CEP85L: variants seen among roughly 807,000 people sequenced by gnomAD.
The protein encoded by CEP85L is centrosomal protein of 85 kDa-like.
CEP85L carries 60 observed loss-of-function variants against 100.3 expected under a neutral mutation model. The ratio of observed to expected loss-of-function variants is 0.60; its 90% confidence interval spans 0.49 to 0.74. CEP85L has a LOEUF of 0.74. Ranked by LOEUF, CEP85L falls within the 30% of genes least tolerant of loss-of-function variation. CEP85L has a pLI of 0.00. For synonymous variants in CEP85L, 319 were observed against 322.7 expected, an observed-to-expected ratio of 0.99 and a Z score of 0.12; for missense variants, 973 against 936.2, an observed-to-expected ratio of 1.04 and a Z score of -0.51.
intron 5 of CEP85L, among the ~76,000 whole-genome samples, chr6:118,496,834 G>A (rs1774960920): frequency 6.6e-6 from 1 of 152,198 alleles, no homozygotes; most frequent in Non-Finnish European, 1.5e-5. Context: ...TCAATCTGTT[G>A]TCACTTCAAG....
intron 1 of CEP85L, among the ~76,000 whole-genome samples, chr6:118,674,286 G>A (rs1410757790): frequency 3.9e-5 from 6 of 152,236 alleles, no homozygotes; most frequent in Admixed American, 3.9e-4. Context: ...AGCACTTTGG[G>A]AGGCCAAGGC....
chr6:118,613,835 T>G (rs1772829677), intron 2 of CEP85L, among the ~76,000 whole-genome samples: 1 of 150,956 alleles, frequency 6.6e-6, no homozygotes, highest in African/African-American at 2.4e-5. Flanking sequence ...ATCAGCACCA[T>G]TCTATACAAT....
At chr6:118,665,900 T>A (rs1776117942) in intron 1 of CEP85L, among the ~76,000 whole-genome samples, 1 of 152,212 alleles carries the variant, frequency 6.6e-6, no homozygotes, top group South Asian at 2.1e-4. Context: ...ATGTCTCCTT[T>A]ACATCCCCCT....
chr6:118,541,174 G>A (rs1038591990), intron 3 of CEP85L, among the ~76,000 whole-genome samples: 1 of 152,202 alleles, frequency 6.6e-6, no homozygotes, highest in African/African-American at 2.4e-5. Flanking sequence ...CCTTACAAAT[G>A]ACTTTGCCAA....
intron 2 of CEP85L, among the ~76,000 whole-genome samples, chr6:118,600,502 A>T: frequency 6.6e-6 from 1 of 151,712 alleles, no homozygotes; most frequent in African/African-American, 2.4e-5. Flanking sequence ...TTGTATTTTC[A>T]GTAGAGACGG....
In CEP85L at chr6:118,651,488, G is replaced by A. The variant is rs1775558280; in HGVS notation, c.-219C>T. ...CTGCCATGGCCAAGCCGGCTGGGCT[G>A]AGGCCCGCGCCGGGGAAGCGGCGAC... On this transcript the variant is annotated 5_prime_UTR_variant, in exon 1 of 13. Coordinates refer to ENST00000368491, the MANE Select transcript of CEP85L (RefSeq NM_001042475.3). The A allele has an allele frequency of 7.8e-7, 1 of 1,287,226 alleles. No individual in the cohort carries two copies. Among genetic ancestry groups the A allele is most frequent in the East Asian group, 3.2e-5 (1 of 31,286 alleles). 79.7% of individuals were successfully genotyped at this position (1,287,226 alleles called of 1,614,324 possible).
chr6:118,501,889 G>C (rs1288569564), intron 5 of CEP85L: 3 of 1,212,008 alleles, frequency 2.5e-6, no homozygotes. Context: ...AAAATAAAAA[G>C]AAAGACAAAG....
chr6:118,600,371 A>G (rs746146147), intron 2 of CEP85L, among the ~76,000 whole-genome samples: 30 of 45,310 alleles, frequency 6.6e-4, no homozygotes, highest in African/African-American at 2.5e-3. Flanking sequence ...GTGTGTGTGT[A>G]ACGCCATGGA....
At chr6:118,662,164 T>C (rs1337966134) in intron 1 of CEP85L, among the ~76,000 whole-genome samples, 6 of 152,222 alleles carry the variant, frequency 3.9e-5, no homozygotes, top group Non-Finnish European at 8.8e-5. Flanking sequence ...TATTATTGCA[T>C]GCTAAGTGAG....
At chr6:118,706,143 A>G (rs778711805) in intron 1 of CEP85L, among the ~76,000 whole-genome samples, 4 of 152,238 alleles carry the variant, frequency 2.6e-5, no homozygotes, top group Non-Finnish European at 4.4e-5. Flanking sequence ...TGAATACTCA[A>G]TAAGTTGCCT....
intron 12 of CEP85L, among the ~76,000 whole-genome samples, chr6:118,466,481 T>C (rs1335900679): frequency 2.0e-5 from 3 of 152,144 alleles, no homozygotes; most frequent in East Asian, 1.9e-4. Context: ...CCTACCACTA[T>C]ATACAAGTTG....
intron 1 of CEP85L, 76 bp downstream of exon 1, chr6:118,651,121 G>T: frequency 1.4e-6 from 2 of 1,433,212 alleles, no homozygotes; most frequent in South Asian, 1.4e-5. Context: ...GGCGGGAGGG[G>T]AGCGGCGGCG....
chr6:118,639,034 G>A (rs138898775), intron 1 of CEP85L, among the ~76,000 whole-genome samples: 98 of 152,210 alleles, frequency 6.4e-4, no homozygotes, highest in African/African-American at 2.2e-3. Context: ...TAAATAAGCT[G>A]AATACATAAT....
chr6:118,652,032 T>A, upstream of CEP85L: 1 of 472,988 alleles, frequency 2.1e-6, no homozygotes, highest in Non-Finnish European at 2.8e-6. Flanking sequence ...TCCTCATCTG[T>A]ATTCCTTCGT....
intron 2 of CEP85L, among the ~76,000 whole-genome samples, chr6:118,606,345 AT>A (rs1772220906): frequency 6.6e-6 from 1 of 152,240 alleles, no homozygotes; most frequent in Admixed American, 6.5e-5. Context: ...AATAGACAAG[AT>A]CACACAGATA....
chr6:118,492,749 C>G (rs1774656905), intron 5 of CEP85L, among the ~76,000 whole-genome samples: 1 of 152,100 alleles, frequency 6.6e-6, no homozygotes, highest in South Asian at 2.1e-4. Flanking sequence ...TTAATAAAAT[C>G]AGATCCCACC....
chr6:118,636,743 G>A (rs1373944363), intron 1 of CEP85L, among the ~76,000 whole-genome samples: 1 of 152,130 alleles, frequency 6.6e-6, no homozygotes, highest in African/African-American at 2.4e-5. Context: ...TAGTACACTG[G>A]CTTTTTCCTA....
chr6:118,570,828 A>G (rs1583073993), intron 2 of CEP85L, among the ~76,000 whole-genome samples: 2 of 152,162 alleles, frequency 1.3e-5, no homozygotes, highest in Non-Finnish European at 1.5e-5. Context: ...TCTGAGTTCT[A>G]GTGTAAAATC....
At chr6:118,640,430 TGCC>T (rs1318098201) in intron 1 of CEP85L, among the ~76,000 whole-genome samples, 2 of 152,192 alleles carry the variant, frequency 1.3e-5, no homozygotes, top group African/African-American at 4.8e-5. Context: ...AACCTCTCTG[TGCC>T]TCAATTTCTT....
Sources: allele counts gnomAD v4.1 joint callset (sites outside exome capture counted in the v4.1 genomes callset), GRCh38; gene constraint gnomAD v4.1.1; transcripts MANE v1.5; gene names NCBI Gene and HGNC (gene_info 2026-07-23, HGNC 2026-07-21).